CACNA1A: variants seen among roughly 807,000 people sequenced by gnomAD.
CACNA1A encodes the protein calcium voltage-gated channel subunit alpha1 A, also known as voltage-dependent P/Q-type calcium channel subunit alpha-1A.
In CACNA1A, 57 loss-of-function variants were observed where a neutral mutation model predicts 262.4. The observed-to-expected ratio is 0.22, with a 90% CI of 0.18 to 0.27. The LOEUF is 0.27. Ranked by LOEUF, CACNA1A falls within the 10% of genes least tolerant of loss-of-function variation. CACNA1A has a pLI of 1.00. For synonymous variants in CACNA1A, 1,431 were observed against 1,419.3 expected (o/e 1.01, Z -0.18); for missense variants, 2,526 against 3,562.8 (o/e 0.71, Z 7.41).
intron 1 of CACNA1A, among the ~76,000 whole-genome samples, chr19:13,474,041 T>C (rs7249531): frequency 0.68 from 102,696 of 152,116 alleles, 37,091 homozygotes; most frequent in Non-Finnish European, 0.83. Context: ...AGCTTTATCA[T>C]TAAAAAATAA....
rs912086617 is a variant in CACNA1A, at chr19:13,245,816, T to G, written c.4867-551A>C. 2.0e-5 allele frequency among the ~76,000 whole-genome samples: 3 copies of G among 151,842 alleles called. No individual in the cohort carries two copies. In the East Asian group the frequency reaches 5.8e-4, roughly 29 times the overall value. On this transcript the variant is annotated intron_variant, in intron 30 of 46. Coordinates refer to ENST00000360228, the MANE Select transcript of CACNA1A (RefSeq NM_001127222.2). ...CCTCCCAAGTAGGTAGGACCACAGG[T>G]GCATGCCACCACACCCAGCTAATTT...
At chr19:13,357,019 T>C (rs1347402293) in intron 6 of CACNA1A, among the ~76,000 whole-genome samples, 1 of 152,206 alleles carries the variant, frequency 6.6e-6, no homozygotes, top group African/African-American at 2.4e-5. Flanking sequence ...AGGATAACAG[T>C]AGAAATCGTA....
intron 6 of CACNA1A, among the ~76,000 whole-genome samples, chr19:13,353,916 G>A (rs1237546817): frequency 1.3e-5 from 2 of 152,096 alleles, no homozygotes; most frequent in African/African-American, 2.4e-5. Flanking sequence ...TGTAGCTTTC[G>A]TTCCTATTGG....
intron 29 of CACNA1A, among the ~76,000 whole-genome samples, chr19:13,254,119 G>A (rs1459994456): frequency 6.6e-6 from 1 of 152,156 alleles, no homozygotes; most frequent in African/African-American, 2.4e-5. Flanking sequence ...CACCTCCTCT[G>A]GAGGGGGCAA....
At chr19:13,281,587 A>C (rs866267725) in intron 22 of CACNA1A, among the ~76,000 whole-genome samples, 14 of 151,776 alleles carry the variant, frequency 9.2e-5, no homozygotes, top group Middle Eastern at 3.4e-3. Flanking sequence ...CACCCACCAG[A>C]TGCCAGGAGC....
chr19:13,362,138 T>G (rs1381430435), intron 5 of CACNA1A: 1 of 151,954 alleles, frequency 6.6e-6, no homozygotes, highest in African/African-American at 2.4e-5. Context: ...AAGTGATCCT[T>G]CTTCCTCAGC....
chr19:13,362,376 T>G (rs963127283), intron 5 of CACNA1A: 1 of 152,122 alleles, frequency 6.6e-6, no homozygotes, highest in Non-Finnish European at 1.5e-5. Flanking sequence ...TTATTTTTTT[T>G]GTATTTTTAG....
At position 13,330,276 on chromosome 19, in the gene CACNA1A, G is replaced by C. The variant is rs1406929170; in HGVS notation, c.1313C>G (p.Ala438Gly). ...GGCTATATCAGCCAGCTGATCCTCA[G>C]CCTCTTCGGGGTTGAGCAAATCTGT... is the stretch of plus-strand genomic sequence containing the variant. ...SKTDLLNPEE[A>G]EDQLADIASV... The change falls in exon 10 of 47, where the codon GCT (alanine) becomes GGT (glycine). Residue 438 changes from alanine (A) to glycine (G), a missense_variant. Transcript: ENST00000360228. 1.9e-6 allele frequency: 3 copies of C among 1,561,804 alleles called. No individual in the cohort carries two copies. Among genetic ancestry groups the C allele is most frequent in the Non-Finnish European group, 2.6e-6 (3 of 1,152,056 alleles).
chr19:13,505,716 C>A (rs987413480), intron 1 of CACNA1A, among the ~76,000 whole-genome samples: 1 of 151,836 alleles, frequency 6.6e-6, no homozygotes, highest in African/African-American at 2.4e-5. Context: ...CCCAGCCCCC[C>A]ACAAACCCAT....
rs1568441684 is a variant in CACNA1A at position 13,230,135 on chromosome 19, G to A, written c.5475C>T (p.Pro1825=). 6.2e-7 allele frequency: 1 copy of A among 1,613,768 alleles called. No homozygotes were observed. Among genetic ancestry groups the A allele is most frequent in the Non-Finnish European group, 8.5e-7 (1 of 1,179,864 alleles). Residue 1825 remains proline (P), a synonymous_variant, in exon 36 of 47, where the codon CCC becomes CCT. Coordinates refer to ENST00000360228, the MANE Select transcript of CACNA1A (RefSeq NM_001127222.2). ...YLTRDSSILG[P]HHLDEYVRVW... ...CACGCACGTACTCATCCAGGTGGTG[G>A]GGGCCCAGGATGGAGGAGTCTCGGG...
intron 30 of CACNA1A, among the ~76,000 whole-genome samples, chr19:13,251,978 G>A (rs2056410505): frequency 6.6e-6 from 1 of 151,874 alleles, no homozygotes; most frequent in Non-Finnish European, 1.5e-5. Context: ...GTTGGCCAGG[G>A]TGGTCTCGAA....
chr19:13,504,714 T>C lies in CACNA1A; in HGVS notation c.293+1218A>G, dbSNP rs539596494. On this transcript the variant is annotated intron_variant, in intron 1 of 46. Transcript: ENST00000360228. Reference sequence around the variant, plus strand: ...TGCGGAGAAGCGGCACATCTGGGCATGGCACAGTGGCCAGCCAGCCTGGGC... The same window carrying C: ...TGCGGAGAAGCGGCACATCTGGGCACGGCACAGTGGCCAGCCAGCCTGGGC... 5.3e-5 allele frequency among the ~76,000 whole-genome samples: 8 copies of C among 152,326 alleles called. No individual in the cohort carries two copies. In the East Asian group the frequency reaches 1.5e-3, roughly 29 times the overall value.
intron 36 of CACNA1A, chr19:13,229,800 A>G: frequency 3.3e-6 from 1 of 303,764 alleles, no homozygotes; most frequent in Non-Finnish European, 6.1e-6. Context: ...GAGAGACAGG[A>G]GAGACTCGTA....
At chr19:13,259,438 T>C (rs2056669510) in intron 27 of CACNA1A, 126 bp downstream of exon 27, 4 of 755,508 alleles carry the variant, frequency 5.3e-6, no homozygotes, top group Middle Eastern at 4.3e-4. Context: ...TCCTAAAGTG[T>C]TGGGATTACA....
In CACNA1A at chr19:13,214,539, G is replaced by C. The variant is rs375365071; in HGVS notation, c.5801C>G (p.Ser1934Cys). The C allele has an allele frequency of 8.7e-6, 14 of 1,613,862 alleles. No homozygotes were observed. The highest frequency in any genetic ancestry group is 1.0e-5 in the Non-Finnish European group (12 of 1,179,860). The change falls in exon 39 of 47, where the codon TCC becomes TGC. Residue 1934 changes from serine (S) to cysteine (C), a missense_variant. Ser to Cys is a moderately radical substitution (Grantham distance 112). This residue lies in a region of CACNA1A where 112 missense variants were observed against 197.2 expected (regional missense o/e 0.57). Transcript: ENST00000360228. The surrounding 1 kb of genome is among the most constrained non-coding windows in gnomAD (Gnocchi z 4.1). Reference sequence around the variant, plus strand: ...GACCAGCAGGTCTAGCGTCTTCTGGGACAGATTGGGCCAAATCGCCATCAT... The same window carrying C: ...GACCAGCAGGTCTAGCGTCTTCTGGCACAGATTGGGCCAAATCGCCATCAT... Reference protein sequence around the residue: ...KEMMAIWPNLSQKTLDLLVTP... With the variant: ...KEMMAIWPNLCQKTLDLLVTP...
At chr19:13,255,304 A>G (rs1389839577) in intron 28 of CACNA1A, 45 bp from the exon 29 acceptor site, 3 of 1,525,832 alleles carry the variant, frequency 2.0e-6, no homozygotes, top group Non-Finnish European at 2.7e-6. Flanking sequence ...GGCAGGAGGA[A>G]GGTGGCTGTA....
chr19:13,279,440 C>A lies in CACNA1A; in HGVS notation c.3823-2312G>T, dbSNP rs540253836. Among the ~76,000 whole-genome samples, 13 of 152,162 alleles carry A rather than the reference C, an allele frequency of 8.5e-5. No individual in the cohort carries two copies. In the South Asian group the frequency reaches 2.7e-3, roughly 32 times the overall value. On this transcript the variant is annotated intron_variant, in intron 22 of 46. Transcript: ENST00000360228. ...AAGTGTTGACAAGGATGTGGAAGAA[C>A]AGGAGTTCCCATGAGCTACTGGTGC...
chr19:13,333,346 A>T (rs996079394), intron 8 of CACNA1A, among the ~76,000 whole-genome samples: 1 of 151,818 alleles, frequency 6.6e-6, no homozygotes, highest in African/African-American at 2.4e-5. Flanking sequence ...ACATCCCCAC[A>T]GCTTCCTTCT....
intron 10 of CACNA1A, among the ~76,000 whole-genome samples, chr19:13,321,591 C>T (rs1432983037): frequency 2.0e-5 from 3 of 152,218 alleles, no homozygotes; most frequent in Non-Finnish European, 2.9e-5. Context: ...TGTAGCTCCT[C>T]GGCTACAAAC....
Sources: allele counts gnomAD v4.1 joint callset (sites outside exome capture counted in the v4.1 genomes callset), GRCh38; gene constraint gnomAD v4.1.1; regional missense constraint gnomAD v4.1.1; non-coding constraint Gnocchi (gnomAD v3.1); transcripts MANE v1.5; gene names NCBI Gene and HGNC (gene_info 2026-07-23, HGNC 2026-07-21).